The following NAALADL2 variants were observed in gnomAD, a reference collection of about 807,000 sequenced individuals.
NAALADL2 encodes the protein inactive N-acetylated-alpha-linked acidic dipeptidase-like protein 2.
A neutral mutation model predicts 87.2 loss-of-function variants in NAALADL2; 76 were observed. That is an observed-to-expected ratio of 0.87 (90% CI 0.72 to 1.05). The LOEUF (loss-of-function observed/expected upper bound fraction) is 1.05, where lower values mean the gene tolerates loss of function less well. Ranked by LOEUF, NAALADL2 falls within the 50% of genes least tolerant of loss-of-function variation. NAALADL2 has a pLI of 0.00. For missense variants in NAALADL2, 1,089 were observed against 945.8 expected, an observed-to-expected ratio of 1.15 and a Z score of -1.99; for synonymous variants, 354 against 331.0, an observed-to-expected ratio of 1.07 and a Z score of -0.75.
At chr3:174,602,300 A>G (rs1461067512) in intron 2 of NAALADL2, among the ~76,000 whole-genome samples, 1 of 151,976 alleles carries the variant, frequency 6.6e-6, no homozygotes, top group Non-Finnish European at 1.5e-5. Context: ...AATTTCTTTC[A>G]TCAGTTTTTA....
In NAALADL2 at chr3:175,799,414, A is replaced by G. The variant is rs1371170332; in HGVS notation, c.2190-3591A>G. On this transcript the variant is annotated intron_variant, in intron 13 of 13. Transcript: ENST00000454872. ...ACTAAATGACTTTTTCATCATTTGT[A>G]TATGAATACATATATATATCCATTT... Among the ~76,000 whole-genome samples the G allele has an allele frequency of 2.6e-5, 4 of 152,094 alleles. No homozygotes were observed. The East Asian group carries it at 7.7e-4, about 29-fold the overall frequency.
intron 1 of NAALADL2, among the ~76,000 whole-genome samples, chr3:174,971,075 AG>A (rs773747651): frequency 2.9e-4 from 44 of 152,258 alleles, no homozygotes; most frequent in Non-Finnish European, 4.9e-4. Flanking sequence ...AAGAAGGAAA[AG>A]CAGCAAGCCC....
At position 175,162,482 on chromosome 3, in the gene NAALADL2, T is replaced by C. The variant is rs13101163; in HGVS notation, c.545+65191T>C. 7.6e-3 allele frequency among the ~76,000 whole-genome samples: 1,159 copies of C among 152,310 alleles called. 2 individuals carry two copies. The highest frequency in any genetic ancestry group is 0.024 in the South Asian group (114 of 4,830). ...ATGGAGGTATCATTTGCCATGTTTA[T>C]GAAAAAATACCAGAAGTTCTTATTT... On this transcript the variant is annotated intron_variant, in intron 2 of 13. Transcript: ENST00000454872.
chr3:175,315,467 T>A (rs1334346687), intron 4 of NAALADL2, among the ~76,000 whole-genome samples: 1 of 152,196 alleles, frequency 6.6e-6, no homozygotes, highest in African/African-American at 2.4e-5. Flanking sequence ...TGTATAAACA[T>A]GTTAATAAAT....
At chr3:174,937,487 G>A (rs1026662598) in intron 1 of NAALADL2, among the ~76,000 whole-genome samples, 2 of 151,926 alleles carry the variant, frequency 1.3e-5, no homozygotes, top group Admixed American at 6.6e-5. Flanking sequence ...TTATGAAACT[G>A]CTTAGAACCA....
chr3:174,957,659 A>C (rs867951699), intron 1 of NAALADL2, among the ~76,000 whole-genome samples: 2 of 151,898 alleles, frequency 1.3e-5, no homozygotes, highest in Middle Eastern at 3.4e-3. Flanking sequence ...TGACCAGTGT[A>C]ATATTTGCCT....
intron 2 of NAALADL2, among the ~76,000 whole-genome samples, chr3:174,656,857 G>T (rs1578444619): frequency 6.6e-6 from 1 of 151,756 alleles, no homozygotes; most frequent in African/African-American, 2.4e-5. Flanking sequence ...AAATAAGGCC[G>T]GTCTGTTTCA....
chr3:175,397,807 A>T (rs554814657), intron 5 of NAALADL2, among the ~76,000 whole-genome samples: 1 of 152,302 alleles, frequency 6.6e-6, no homozygotes, highest in African/African-American at 2.4e-5. Context: ...TACTGTTTAC[A>T]GTTTCATAGC....
At chr3:175,306,516 T>TAA (rs1361539419) in intron 4 of NAALADL2, among the ~76,000 whole-genome samples, 1 of 152,074 alleles carries the variant, frequency 6.6e-6, no homozygotes, top group African/African-American at 2.4e-5. Flanking sequence ...TGTTCTTATA[T>TAA]AAAAATCCAA....
chr3:175,199,208 G>A (rs1311060965), intron 2 of NAALADL2, among the ~76,000 whole-genome samples: 4 of 152,134 alleles, frequency 2.6e-5, no homozygotes, highest in African/African-American at 7.2e-5. Context: ...ATTGAAGGTG[G>A]ACTGTTCTCA....
At chr3:175,784,666 A>G (rs1751661860) in intron 13 of NAALADL2, among the ~76,000 whole-genome samples, 4 of 137,554 alleles carry the variant, frequency 2.9e-5, no homozygotes, top group Admixed American at 1.5e-4. Flanking sequence ...TCCTGGATTC[A>G]TTAATTTTTT....
At chr3:175,158,740 G>A (rs1184795312) in intron 2 of NAALADL2, among the ~76,000 whole-genome samples, 1 of 151,922 alleles carries the variant, frequency 6.6e-6, no homozygotes, top group Non-Finnish European at 1.5e-5. Context: ...AGAAAAAGGA[G>A]CAAAGAGAAT....
intron 1 of NAALADL2, among the ~76,000 whole-genome samples, chr3:174,453,043 A>G (rs2108276008): frequency 6.6e-6 from 1 of 152,336 alleles, no homozygotes; most frequent in Middle Eastern, 3.4e-3. Flanking sequence ...TCACAATAAA[A>G]TAATACAGGG....
At chr3:174,557,407 C>T (rs1019890527) in intron 2 of NAALADL2, among the ~76,000 whole-genome samples, 2 of 152,024 alleles carry the variant, frequency 1.3e-5, no homozygotes, top group South Asian at 4.2e-4. Flanking sequence ...TCTCAGGGGT[C>T]TGTTACACTT....
At chr3:174,474,281 T>C (rs1047419043) in intron 1 of NAALADL2, among the ~76,000 whole-genome samples, 2 of 152,186 alleles carry the variant, frequency 1.3e-5, no homozygotes, top group Non-Finnish European at 2.9e-5. Context: ...CAAATTTTGA[T>C]GAACAAAGTT....
At chr3:175,323,935 G>C (rs559767541) in intron 4 of NAALADL2, among the ~76,000 whole-genome samples, 1 of 150,190 alleles carries the variant, frequency 6.7e-6, no homozygotes, top group African/African-American at 2.5e-5. Flanking sequence ...GGAGAATGGC[G>C]TGAACCCGGG....
chr3:175,653,276 T>A (rs2149792993), intron 11 of NAALADL2, among the ~76,000 whole-genome samples: 1 of 152,258 alleles, frequency 6.6e-6, no homozygotes, highest in South Asian at 2.1e-4. Flanking sequence ...AATTTCTGAC[T>A]TTTTTGCTAA....
intron 11 of NAALADL2, among the ~76,000 whole-genome samples, chr3:175,677,739 ATATATTT>A (rs1465780777): frequency 3.3e-5 from 5 of 152,190 alleles, no homozygotes; most frequent in Non-Finnish European, 7.3e-5. Context: ...TGCCTTGTGT[ATATATTT>A]TTAATAGCAA....
At chr3:175,198,277 T>A (rs966760539) in intron 2 of NAALADL2, among the ~76,000 whole-genome samples, 2 of 152,080 alleles carry the variant, frequency 1.3e-5, no homozygotes, top group African/African-American at 4.8e-5. Flanking sequence ...AGTTATAGAA[T>A]TTTAATTTTA....
Sources: gnomAD v4.1 joint callset for allele counts (sites outside exome capture counted in the v4.1 genomes callset) on GRCh38, gnomAD v4.1.1 for gene constraint, MANE v1.5 for transcripts, NCBI Gene and HGNC (gene_info 2026-07-23, HGNC 2026-07-21) for gene names.